CDH13: variants seen among roughly 807,000 people sequenced by gnomAD.
CDH13 encodes the protein cadherin 13.
In CDH13, 24 loss-of-function variants were observed where a neutral mutation model predicts 63.8. That is an observed-to-expected ratio of 0.38 (90% CI 0.27 to 0.53). The LOEUF (loss-of-function observed/expected upper bound fraction) is 0.53. CDH13 is among the 20% of genes least tolerant of loss of function. The pLI is 0.85. For missense variants in CDH13, 1,049 were observed against 903.1 expected, an observed-to-expected ratio of 1.16 and a Z score of -2.07; for synonymous variants, 503 against 355.3, an observed-to-expected ratio of 1.42 and a Z score of -4.67.
chr16:82,855,961 T>G (rs2039667349), intron 1 of CDH13, among the ~76,000 whole-genome samples: 1 of 152,202 alleles, frequency 6.6e-6, no homozygotes, highest in Admixed American at 6.5e-5. Flanking sequence ...TTTCTTCAAC[T>G]GTCTGTGTGC....
chr16:83,203,458 G>A (rs979987702), intron 4 of CDH13, among the ~76,000 whole-genome samples: 1 of 151,790 alleles, frequency 6.6e-6, no homozygotes, highest in Non-Finnish European at 1.5e-5. Context: ...AGGCCAAGGC[G>A]GGCGGATCAT....
intron 6 of CDH13, among the ~76,000 whole-genome samples, chr16:83,368,320 C>T (rs992689805): frequency 6.6e-6 from 1 of 152,222 alleles, no homozygotes; most frequent in South Asian, 2.1e-4. Context: ...TAGCATTGTT[C>T]CAAATCCTCA....
At chr16:82,784,821 T>C (rs1285737278) in intron 1 of CDH13, among the ~76,000 whole-genome samples, 1 of 152,232 alleles carries the variant, frequency 6.6e-6, no homozygotes, top group East Asian at 1.9e-4. Flanking sequence ...TTTTAGGAAG[T>C]GGGACCAGCA....
chr16:83,196,338 GA>G (rs2151761000), intron 4 of CDH13, among the ~76,000 whole-genome samples: 1 of 152,184 alleles, frequency 6.6e-6, no homozygotes, highest in East Asian at 1.9e-4. Flanking sequence ...GAAACTTTAA[GA>G]AAAAAGTAGG....
At chr16:83,085,053 A>C (rs913564037) in intron 3 of CDH13, among the ~76,000 whole-genome samples, 3 of 152,228 alleles carry the variant, frequency 2.0e-5, no homozygotes, top group South Asian at 2.1e-4. Flanking sequence ...TTTAATCTTC[A>C]TAGTTTTCCC....
At chr16:83,360,575 C>A (rs574943613) in intron 6 of CDH13, among the ~76,000 whole-genome samples, 13 of 152,210 alleles carry the variant, frequency 8.5e-5, no homozygotes, top group African/African-American at 3.1e-4. Flanking sequence ...CAGGTAGCAC[C>A]ATAGTACCTA....
chr16:82,655,079 C>G (rs945893535), intron 1 of CDH13, among the ~76,000 whole-genome samples: 20 of 152,330 alleles, frequency 1.3e-4, no homozygotes, highest in African/African-American at 4.6e-4. Context: ...GATAATTTCC[C>G]TGCCTTTCCC....
At position 83,618,298 on chromosome 16, in the gene CDH13, G is replaced by A. The variant is rs149818437; in HGVS notation, c.1101+15704G>A. Among the ~76,000 whole-genome samples, 965 of 152,116 alleles carry A rather than the reference G, an allele frequency of 6.3e-3. 5 individuals carry two copies. The highest frequency in any genetic ancestry group is 0.01 in the Admixed American group (155 of 15,290). On this transcript the variant is annotated intron_variant, in intron 8 of 13. Coordinates refer to ENST00000567109, the MANE Select transcript of CDH13 (RefSeq NM_001257.5). ...AAATTAGCCAGGCATGGTGGCATGTGCCTGTAGTCCCAGCTACTTAGGGGG... is the reference window on the plus strand; with the variant it reads ...AAATTAGCCAGGCATGGTGGCATGTACCTGTAGTCCCAGCTACTTAGGGGG...
intron 8 of CDH13, among the ~76,000 whole-genome samples, chr16:83,630,613 C>T (rs759760390): frequency 6.6e-6 from 1 of 152,158 alleles, no homozygotes; most frequent in Non-Finnish European, 1.5e-5. Flanking sequence ...TGCATTTTTA[C>T]GTAAACAATC....
At chr16:82,639,825 C>CT (rs770428258) in intron 1 of CDH13, among the ~76,000 whole-genome samples, 1 of 152,238 alleles carries the variant, frequency 6.6e-6, no homozygotes, top group Non-Finnish European at 1.5e-5. Flanking sequence ...AGAGCATGGC[C>CT]TTTGCCCTCC....
chr16:82,693,087 C>G (rs979708286), intron 1 of CDH13, among the ~76,000 whole-genome samples: 2 of 152,138 alleles, frequency 1.3e-5, no homozygotes, highest in Admixed American at 6.5e-5. Context: ...CTACCAAGAC[C>G]TCACCAGAAA....
chr16:83,280,199 C>G (rs2089125861), intron 5 of CDH13, among the ~76,000 whole-genome samples: 1 of 152,198 alleles, frequency 6.6e-6, no homozygotes, highest in Non-Finnish European at 1.5e-5. Context: ...TACTGCAGAA[C>G]TTGTTCCAAA....
chr16:82,988,015 C>T (rs1911170274), intron 2 of CDH13, among the ~76,000 whole-genome samples: 2 of 152,188 alleles, frequency 1.3e-5, no homozygotes, highest in South Asian at 2.1e-4. Flanking sequence ...GCAGAGCACT[C>T]CCTGCCAGAG....
intron 5 of CDH13, among the ~76,000 whole-genome samples, chr16:83,307,502 T>G (rs2089907087): frequency 6.6e-6 from 1 of 152,184 alleles, no homozygotes; most frequent in Admixed American, 6.5e-5. Context: ...AGCTCTCACC[T>G]CACATTTTAA....
intron 1 of CDH13, among the ~76,000 whole-genome samples, chr16:82,760,405 A>C (rs753859108): frequency 2.0e-5 from 3 of 152,158 alleles, no homozygotes; most frequent in Admixed American, 6.5e-5. Flanking sequence ...TCTAGTGTAA[A>C]ATTCACCATT....
At chr16:83,441,944 A>G (rs2072491512) in intron 6 of CDH13, among the ~76,000 whole-genome samples, 1 of 152,134 alleles carries the variant, frequency 6.6e-6, no homozygotes, top group South Asian at 2.1e-4. Context: ...GATTATTAAG[A>G]GGGCTTTATC....
Position 83,431,455 on chromosome 16 carries a change from G to A in CDH13, c.782-55022G>A, listed in dbSNP as rs72806358. 2.0e-5 allele frequency among the ~76,000 whole-genome samples: 3 copies of A among 151,926 alleles called. No individual in the cohort carries two copies. In the South Asian group the frequency reaches 6.2e-4, roughly 32 times the overall value. ...CAGAAGTCATTGTGCAAATCATGGA[G>A]GTCTTTGTAGGTCATTGTATCAGTC... is the stretch of plus-strand genomic sequence containing the variant. On this transcript the variant is annotated intron_variant, in intron 6 of 13. Coordinates refer to ENST00000567109, the MANE Select transcript of CDH13 (RefSeq NM_001257.5).
In CDH13 at chr16:83,493,554, A is replaced by G. The variant is rs528793116; in HGVS notation, c.960+6899A>G. ...TGGAAACCTGGAGTGCGGAAGCAGA[A>G]GGAAGGGCATCGTGGGGAAAGGAGT... On this transcript the variant is annotated intron_variant, in intron 7 of 13. Transcript: ENST00000567109. Among the ~76,000 whole-genome samples the G allele has an allele frequency of 1.4e-3, 210 of 152,342 alleles. 5 individuals are homozygous for G. In the South Asian group the frequency reaches 0.04, roughly 29 times the overall value.
At chr16:83,497,163 A>G (rs1567712787) in intron 7 of CDH13, among the ~76,000 whole-genome samples, 1 of 152,166 alleles carries the variant, frequency 6.6e-6, no homozygotes, top group Non-Finnish European at 1.5e-5. Context: ...ATTACTGGGT[A>G]TATACCCAAA....
Sources: allele counts gnomAD v4.1 joint callset (sites outside exome capture counted in the v4.1 genomes callset), GRCh38; gene constraint gnomAD v4.1.1; transcripts MANE v1.5; gene names NCBI Gene and HGNC (gene_info 2026-07-23, HGNC 2026-07-21).